Variants in ZMIZ1 observed in about 807,000 individuals in gnomAD.
ZMIZ1 encodes zinc finger MIZ domain-containing protein 1.
Under a neutral mutation model 113.9 loss-of-function variants are expected in ZMIZ1, and 17 were observed. That is an observed-to-expected ratio of 0.15 (90% CI 0.10 to 0.22). The LOEUF is 0.22. Among genes scored for constraint, ZMIZ1 ranks in the 10% least tolerant of loss-of-function variants. The pLI is 1.00. For missense variants in ZMIZ1, 1,059 were observed against 1,477.8 expected (o/e 0.72, Z 4.65); for synonymous variants, 607 against 603.1 (o/e 1.01, Z -0.09).
intron 24 of ZMIZ1, among the ~76,000 whole-genome samples, 160 bp from the exon 25 acceptor site, chr10:79,312,482 C>T (rs1483527046): frequency 6.6e-6 from 1 of 152,222 alleles, no homozygotes. Flanking sequence ...TGTGGGGATA[C>T]CTGGCAGGCC....
chr10:79,309,339 G>T (rs1207475787), intron 23 of ZMIZ1, among the ~76,000 whole-genome samples: 4 of 152,228 alleles, frequency 2.6e-5, no homozygotes, highest in African/African-American at 9.6e-5. Context: ...TCTGTCTTGA[G>T]CTGGGCTGCA....
intron 1 of ZMIZ1, among the ~76,000 whole-genome samples, chr10:79,090,143 G>A (rs1842942787): frequency 6.6e-6 from 1 of 152,192 alleles, no homozygotes; most frequent in African/African-American, 2.4e-5. Flanking sequence ...CCAGGAGACA[G>A]CTTGCTGTCA....
At chr10:79,145,758 C>A (rs1845453433) in intron 3 of ZMIZ1, among the ~76,000 whole-genome samples, 1 of 152,178 alleles carries the variant, frequency 6.6e-6, no homozygotes, top group Non-Finnish European at 1.5e-5. Context: ...TGCTTTGTCA[C>A]CCAGGGTGGA....
At chr10:79,265,638 T>C (rs1851557619) in intron 7 of ZMIZ1, among the ~76,000 whole-genome samples, 2 of 151,576 alleles carry the variant, frequency 1.3e-5, no homozygotes, top group Non-Finnish European at 2.9e-5. Flanking sequence ...ACTGAGATTT[T>C]CCCCCAAGGA....
chr10:79,228,458 A>G (rs1849274714), intron 7 of ZMIZ1, among the ~76,000 whole-genome samples: 1 of 152,228 alleles, frequency 6.6e-6, no homozygotes, highest in African/African-American at 2.4e-5. Context: ...CTCCTCCTCC[A>G]TGGTTGTGCC....
At chr10:79,218,989 A>G (rs1848853678) in intron 7 of ZMIZ1, among the ~76,000 whole-genome samples, 3 of 151,094 alleles carry the variant, frequency 2.0e-5, no homozygotes, top group Admixed American at 1.3e-4. Flanking sequence ...ACATGGCTAA[A>G]TGCTCATTTT....
At chr10:79,112,852 G>A (rs1039043297) in intron 1 of ZMIZ1, among the ~76,000 whole-genome samples, 3 of 152,120 alleles carry the variant, frequency 2.0e-5, no homozygotes, top group Admixed American at 6.5e-5. Context: ...ATTTCTTGAC[G>A]GTCCCAGGCG....
chr10:79,151,883 C>T (rs1002701784), intron 3 of ZMIZ1, among the ~76,000 whole-genome samples: 2 of 152,186 alleles, frequency 1.3e-5, no homozygotes, highest in East Asian at 3.9e-4. Context: ...GGCCATGAGT[C>T]AGGAATTGCT....
chr10:79,142,027 A>G (rs531885156), intron 3 of ZMIZ1, among the ~76,000 whole-genome samples: 1 of 152,308 alleles, frequency 6.6e-6, no homozygotes, highest in East Asian at 1.9e-4. Flanking sequence ...CAGGCTCGCT[A>G]GTGAATTAGA....
intron 1 of ZMIZ1, among the ~76,000 whole-genome samples, chr10:79,116,992 C>G (rs75125085): frequency 0.02 from 2,996 of 152,350 alleles, 176 homozygotes; most frequent in East Asian, 0.12. Flanking sequence ...TTCGCTTGGG[C>G]TCATGTGACT....
intron 7 of ZMIZ1, among the ~76,000 whole-genome samples, chr10:79,269,748 G>A (rs147163515): frequency 2.6e-5 from 4 of 152,134 alleles, no homozygotes; most frequent in East Asian, 1.9e-4. Context: ...CTCACTGTCC[G>A]CACCTCCCCT....
intron 3 of ZMIZ1, among the ~76,000 whole-genome samples, chr10:79,161,492 C>G (rs1846114085): frequency 6.6e-6 from 1 of 152,184 alleles, no homozygotes; most frequent in Non-Finnish European, 1.5e-5. Context: ...TATGCTGTTC[C>G]CTCTGCCTGG....
At chr10:79,292,846 A>G (rs1182840719) in intron 11 of ZMIZ1, 2 of 462,196 alleles carry the variant, frequency 4.3e-6, no homozygotes, top group Non-Finnish European at 8.6e-6. Flanking sequence ...GAGCCCCCAT[A>G]GGAATGCAGA....
At chr10:79,302,398 T>A (rs1055978966) in intron 18 of ZMIZ1, among the ~76,000 whole-genome samples, 186 bp downstream of exon 18, 9 of 152,196 alleles carry the variant, frequency 5.9e-5, no homozygotes, top group South Asian at 2.1e-4. Context: ...GTTGTCGTGG[T>A]CAGAGAAGCT....
intron 8 of ZMIZ1, among the ~76,000 whole-genome samples, chr10:79,282,751 G>A (rs1852821085): frequency 6.6e-6 from 1 of 152,264 alleles, no homozygotes; most frequent in South Asian, 2.1e-4. Context: ...GGGGGTAAGG[G>A]TGGTGACGAG....
At chr10:79,172,161 G>A (rs1356825771) in intron 4 of ZMIZ1, among the ~76,000 whole-genome samples, 1 of 152,074 alleles carries the variant, frequency 6.6e-6, no homozygotes, top group Non-Finnish European at 1.5e-5. Flanking sequence ...AGAGTAGTGG[G>A]TGCCTGCTGG....
intron 3 of ZMIZ1, among the ~76,000 whole-genome samples, chr10:79,141,809 G>T (rs1564676266): frequency 6.6e-6 from 1 of 152,220 alleles, no homozygotes; most frequent in Non-Finnish European, 1.5e-5. Flanking sequence ...AAATAATCCA[G>T]TGTGGCTGGG....
At chr10:79,265,463 C>CTTTTTTTTT (rs869066608) in intron 7 of ZMIZ1, among the ~76,000 whole-genome samples, 5 of 131,720 alleles carry the variant, frequency 3.8e-5, no homozygotes, top group African/African-American at 9.5e-5. Context: ...CCTTTTTTTT[C>CTTTTTTTTT]TTTTCTTTTT....
intron 3 of ZMIZ1, among the ~76,000 whole-genome samples, chr10:79,149,309 G>T (rs1285216487): frequency 6.6e-6 from 1 of 152,212 alleles, no homozygotes; most frequent in Admixed American, 6.5e-5. Context: ...TTGCTCTCTG[G>T]CCTATTTGCT....
Sources: gnomAD v4.1 joint callset for allele counts (sites outside exome capture counted in the v4.1 genomes callset) on GRCh38, gnomAD v4.1.1 for gene constraint, MANE v1.5 for transcripts, NCBI Gene and HGNC (gene_info 2026-07-23, HGNC 2026-07-21) for gene names.